SBF2: variants seen among roughly 807,000 people sequenced by gnomAD.
SBF2 encodes the protein myotubularin-related protein 13.
SBF2 carries 112 observed loss-of-function variants against 225.2 expected under a neutral mutation model. The observed-to-expected ratio is 0.50, with a 90% CI of 0.43 to 0.58. SBF2 has a LOEUF of 0.58. Ranked by LOEUF, SBF2 falls within the 20% of genes least tolerant of loss-of-function variation. The probability of loss-of-function intolerance (pLI) is 0.00; values close to 1 mark genes in which losing one functional copy is unlikely to be tolerated. For missense variants in SBF2, 1,996 were observed against 2,206.2 expected (o/e 0.90, Z 1.91); for synonymous variants, 763 against 773.3 (o/e 0.99, Z 0.22).
intron 16 of SBF2, among the ~76,000 whole-genome samples, chr11:9,910,400 G>A (rs900427330): frequency 5.3e-5 from 8 of 152,130 alleles, no homozygotes; most frequent in Admixed American, 5.2e-4. Flanking sequence ...TAATAAATGA[G>A]TATGTTACTG....
intron 16 of SBF2, among the ~76,000 whole-genome samples, chr11:9,929,530 G>C (rs1041364027): frequency 2.0e-5 from 3 of 152,136 alleles, no homozygotes; most frequent in Admixed American, 2.0e-4. Flanking sequence ...GAATCCTGGC[G>C]AAACCATTAC....
intron 16 of SBF2, among the ~76,000 whole-genome samples, chr11:9,903,238 C>G (rs953131593): frequency 2.0e-5 from 3 of 151,920 alleles, no homozygotes; most frequent in Non-Finnish European, 2.9e-5. Flanking sequence ...AGGAGAAGGG[C>G]GTGAACCCGG....
intron 2 of SBF2, among the ~76,000 whole-genome samples, chr11:10,167,442 G>A (rs1433316444): frequency 6.6e-6 from 1 of 152,176 alleles, no homozygotes; most frequent in Non-Finnish European, 1.5e-5. Flanking sequence ...GGTGGCTCAT[G>A]CCTATAGGCC....
intron 16 of SBF2, chr11:9,957,147 C>T (rs1293429960): frequency 6.6e-6 from 1 of 152,204 alleles, no homozygotes; most frequent in Non-Finnish European, 1.5e-5. Context: ...CCTCTAAACC[C>T]ATGTGGACAA....
At chr11:9,892,934 C>G (rs1860956488) in intron 17 of SBF2, among the ~76,000 whole-genome samples, 1 of 152,138 alleles carries the variant, frequency 6.6e-6, no homozygotes, top group Non-Finnish European at 1.5e-5. Context: ...TAAAAATTAT[C>G]TGCAGTATTA....
At chr11:10,195,375 T>A (rs1334147787) in intron 1 of SBF2, among the ~76,000 whole-genome samples, 4 of 152,202 alleles carry the variant, frequency 2.6e-5, no homozygotes, top group African/African-American at 9.6e-5. Context: ...TTTGGGGATG[T>A]AATTTGTGAG....
intron 6 of SBF2, among the ~76,000 whole-genome samples, chr11:10,012,224 C>T (rs1418193625): frequency 6.6e-6 from 1 of 152,212 alleles, no homozygotes; most frequent in Non-Finnish European, 1.5e-5. Flanking sequence ...CAGCTCACTG[C>T]AGCCCCAGCC....
intron 36 of SBF2, among the ~76,000 whole-genome samples, chr11:9,785,704 A>ATGTTT (rs1852327460): frequency 6.6e-6 from 1 of 152,102 alleles, no homozygotes; most frequent in African/African-American, 2.4e-5. Context: ...TCTACAAAAA[A>ATGTTT]TATTTTAAAA....
intron 16 of SBF2, chr11:9,961,686 G>A (rs1866579545): frequency 2.8e-6 from 1 of 352,346 alleles, no homozygotes; most frequent in South Asian, 3.6e-5. Context: ...ATGCTTTAAA[G>A]ATGACTTTTC....
At chr11:10,161,210 GGT>G (rs1331192493) in intron 2 of SBF2, among the ~76,000 whole-genome samples, 281 of 142,572 alleles carry the variant, frequency 2.0e-3, no homozygotes, top group African/African-American at 6.6e-3. Context: ...AAAAAAAATA[GGT>G]CATAAGAAAA....
At chr11:10,107,374 A>G (rs1952601612) in intron 2 of SBF2, among the ~76,000 whole-genome samples, 1 of 152,236 alleles carries the variant, frequency 6.6e-6, no homozygotes, top group African/African-American at 2.4e-5. Context: ...ACAGATCTCA[A>G]AATAATTATA....
chr11:10,012,402 A>C (rs1026204464), intron 6 of SBF2, among the ~76,000 whole-genome samples: 6 of 152,162 alleles, frequency 3.9e-5, no homozygotes, highest in Admixed American at 2.6e-4. Context: ...TCAGCCTCCC[A>C]AAGTACTGGG....
chr11:10,183,250 C>T (rs1168697006), intron 2 of SBF2, among the ~76,000 whole-genome samples: 1 of 152,108 alleles, frequency 6.6e-6, no homozygotes, highest in Non-Finnish European at 1.5e-5. Context: ...TAAAGCGTCC[C>T]ACATCCTCTC....
At chr11:9,878,995 C>T (rs531666352) in intron 17 of SBF2, among the ~76,000 whole-genome samples, 1 of 152,324 alleles carries the variant, frequency 6.6e-6, no homozygotes, top group Non-Finnish European at 1.5e-5. Flanking sequence ...AACTGCAAAG[C>T]TGCAGAAATT....
In SBF2 at chr11:10,068,603, C is replaced by G. The variant is rs77185050; in HGVS notation, c.142-25622G>C. ...AATGAAAATACTGTGATATACCTTA[C>G]GTAGCTTTTATAAAAAACTATTTTA... is the stretch of plus-strand genomic sequence containing the variant. On this transcript the variant is annotated intron_variant, in intron 2 of 39. Transcript: ENST00000256190. 4.2e-3 allele frequency among the ~76,000 whole-genome samples: 646 copies of G among 152,190 alleles called. 1 individual carries two copies. Among genetic ancestry groups the G allele is most frequent in the Non-Finnish European group, 6.9e-3 (470 of 68,000 alleles).
intron 2 of SBF2, among the ~76,000 whole-genome samples, chr11:10,108,673 C>T (rs966022566): frequency 4.2e-4 from 63 of 151,728 alleles, no homozygotes; most frequent in Non-Finnish European, 7.5e-4. Flanking sequence ...TACAGGCGCC[C>T]GCCACCACGC....
At chr11:9,780,894 T>C in intron 39 of SBF2, 1 of 331,112 alleles carries the variant, frequency 3.0e-6, no homozygotes, top group Non-Finnish European at 5.9e-6. Context: ...CTGAGATTCA[T>C]GCATACCATA....
At chr11:9,812,443 A>G in intron 30 of SBF2, 89 bp downstream of exon 30, 1 of 1,397,800 alleles carries the variant, frequency 7.2e-7, no homozygotes, top group Non-Finnish European at 1.0e-6. Flanking sequence ...AGGGGAACAA[A>G]GTATTTTTTT....
chr11:9,927,778 A>T (rs1178979705), intron 16 of SBF2, among the ~76,000 whole-genome samples: 2 of 152,180 alleles, frequency 1.3e-5, no homozygotes, highest in Non-Finnish European at 1.5e-5. Context: ...ACACTTTCAT[A>T]AACAGATAAG....
Sources: allele counts gnomAD v4.1 joint callset (sites outside exome capture counted in the v4.1 genomes callset), GRCh38; gene constraint gnomAD v4.1.1; transcripts MANE v1.5; gene names NCBI Gene and HGNC (gene_info 2026-07-23, HGNC 2026-07-21).